The following AGFG2 variants were observed in gnomAD, a reference collection of about 807,000 sequenced individuals.
AGFG2 encodes ArfGAP with FG repeats 2, also known as arf-GAP domain and FG repeat-containing protein 2.
Under a neutral mutation model 48.0 loss-of-function variants are expected in AGFG2, and 31 were observed. The ratio of observed to expected loss-of-function variants is 0.65; its 90% CI spans 0.49 to 0.87. The LOEUF (loss-of-function observed/expected upper bound fraction) is 0.87. Among genes scored for constraint, AGFG2 ranks in the 40% least tolerant of loss-of-function variants. AGFG2 has a pLI of 0.00. For synonymous variants in AGFG2, 229 were observed against 260.8 expected, an observed-to-expected ratio of 0.88 and a Z score of 1.18; for missense variants, 599 against 632.6, an observed-to-expected ratio of 0.95 and a Z score of 0.57.
At chr7:100,540,172 C>T (rs1195220211) in intron 1 of AGFG2, among the ~76,000 whole-genome samples, 1 of 150,734 alleles carries the variant, frequency 6.6e-6, no homozygotes, top group Admixed American at 6.6e-5. Context: ...GAGATAGTGG[C>T]TGGAAGGGAG....
At chr7:100,551,074 T>A (rs1461892087) in intron 3 of AGFG2, among the ~76,000 whole-genome samples, 75 of 97,016 alleles carry the variant, frequency 7.7e-4, no homozygotes, top group South Asian at 2.2e-3. Context: ...ATATTTCTTT[T>A]TTTTTTTTTT....
At chr7:100,544,906 T>G (rs974262428) in intron 1 of AGFG2, among the ~76,000 whole-genome samples, 2 of 152,112 alleles carry the variant, frequency 1.3e-5, no homozygotes, top group Non-Finnish European at 2.9e-5. Flanking sequence ...GGAAATGGGT[T>G]GAAGCAGAAT....
At chr7:100,552,602 TAGAGA>T (rs1562792587) in intron 3 of AGFG2, among the ~76,000 whole-genome samples, 1 of 152,104 alleles carries the variant, frequency 6.6e-6, no homozygotes, top group Non-Finnish European at 1.5e-5. Flanking sequence ...AACTGTGAGG[TAGAGA>T]AGAGAATGCA....
chr7:100,563,705 TG>T, intron 9 of AGFG2, 128 bp from the exon 10 acceptor site: 1 of 1,363,594 alleles, frequency 7.3e-7, no homozygotes, highest in Non-Finnish European at 1.0e-6. Flanking sequence ...GTTCCATGGC[TG>T]GGTCCCTCGT....
chr7:100,562,800 A>G lies in AGFG2; in HGVS notation c.1088-63A>G. 1 of 1,600,782 alleles carries G rather than the reference A, an allele frequency of 6.2e-7. No individual in the cohort carries two copies. Among genetic ancestry groups the G allele is most frequent in the Non-Finnish European group, 8.6e-7 (1 of 1,168,924 alleles). ...GGAATGCTCAGGCATCACAGGATGA[A>G]GCACGTGAGAAAAAAAGTAACCATC... On this transcript the variant is annotated intron_variant, in intron 8 of 11. Transcript: ENST00000300176. This position sits in a 1 kb window ranked among gnomAD's most constrained non-coding sequence, Gnocchi z 5.4.
chr7:100,553,232 A>G, intron 3 of AGFG2, 115 bp from the exon 4 acceptor site: 1 of 1,299,494 alleles, frequency 7.7e-7, no homozygotes, highest in Non-Finnish European at 1.1e-6. Flanking sequence ...AAAAAAGGGA[A>G]TCAGTAGAGA....
intron 4 of AGFG2, 80 bp from the exon 5 acceptor site, chr7:100,554,013 G>T: frequency 6.6e-7 from 1 of 1,523,338 alleles, no homozygotes; most frequent in East Asian, 2.3e-5. Flanking sequence ...CTGCCTATCT[G>T]AGGGCAACCT....
Position 100,555,653 on chromosome 7 carries a change from T to G in AGFG2, c.795T>G (p.Phe265Leu). 1 of 1,614,130 alleles carries G rather than the reference T, an allele frequency of 6.2e-7. No individual in the cohort carries two copies. The highest frequency in any genetic ancestry group is 2.2e-5 in the East Asian group (1 of 44,878). The change falls in exon 6 of 12, where the codon TTT (phenylalanine) becomes TTG (leucine). Residue 265 changes from phenylalanine to leucine, a missense_variant. By Grantham distance (22) the Phe-to-Leu change is conservative. Coordinates refer to ENST00000300176, the MANE Select transcript of AGFG2 (RefSeq NM_006076.5). ...GAGGCTTTGCCAACTTTGATGCCTT[T>G]AGCAGTGGCCCCAGCTCTTCTGTGT... ...SQGGFANFDAFSSGPSSSVFG... is the reference protein window; with the variant it reads ...SQGGFANFDALSSGPSSSVFG...
intron 3 of AGFG2, 86 bp downstream of exon 3, chr7:100,550,597 T>A: frequency 9.5e-7 from 1 of 1,051,236 alleles, no homozygotes; most frequent in Non-Finnish European, 1.4e-6. Flanking sequence ...GAATTTGGCC[T>A]TCTCACAAAA....
intron 1 of AGFG2, among the ~76,000 whole-genome samples, chr7:100,542,769 A>T (rs1800445719): frequency 6.6e-6 from 1 of 152,162 alleles, no homozygotes; most frequent in African/African-American, 2.4e-5. Context: ...GATTACCTGT[A>T]GATTAGGGTT....
intron 2 of AGFG2, among the ~76,000 whole-genome samples, chr7:100,550,045 A>G (rs964572114): frequency 2.6e-5 from 4 of 152,218 alleles, no homozygotes; most frequent in African/African-American, 9.6e-5. Flanking sequence ...GCGGTGGCTC[A>G]TGCCTGTAAT....
chr7:100,554,626 A>G (rs775438358), intron 5 of AGFG2, among the ~76,000 whole-genome samples: 3 of 152,110 alleles, frequency 2.0e-5, no homozygotes, highest in Non-Finnish European at 4.4e-5. Context: ...GCAGCATAGA[A>G]TCTGTTTTCC....
At chr7:100,552,185 C>T (rs1186011250) in intron 3 of AGFG2, among the ~76,000 whole-genome samples, 1 of 151,932 alleles carries the variant, frequency 6.6e-6, no homozygotes, top group South Asian at 2.1e-4. Flanking sequence ...GCAGTGGTTG[C>T]AGTCAGCTGA....
intron 1 of AGFG2, among the ~76,000 whole-genome samples, chr7:100,544,089 C>G (rs990538953): frequency 6.6e-6 from 1 of 152,214 alleles, no homozygotes. Context: ...CTGAATGCGT[C>G]TGTGAATGAA....
At chr7:100,554,724 CAGG>C (rs1562793476) in intron 5 of AGFG2, among the ~76,000 whole-genome samples, 1 of 151,866 alleles carries the variant, frequency 6.6e-6, no homozygotes, top group East Asian at 1.9e-4. Flanking sequence ...CACCTGAGGT[CAGG>C]AGTTCAAGAC....
chr7:100,556,706 AT>A, intron 6 of AGFG2: 1 of 1,187,372 alleles, frequency 8.4e-7, no homozygotes, highest in Non-Finnish European at 1.1e-6. Context: ...AACCCTTAAA[AT>A]TTGGCCATTT....
At chr7:100,556,351 A>G (rs573020533) in intron 6 of AGFG2, 14 of 204,092 alleles carry the variant, frequency 6.9e-5, no homozygotes, top group Non-Finnish European at 1.2e-4. Context: ...CAAATAAACT[A>G]TGTTATTTAG....
In AGFG2 at chr7:100,565,691, C is replaced by T. The variant is rs1800991128; in HGVS notation, c.*700C>T. The T allele has an allele frequency of 1.3e-5, 2 of 152,662 alleles. No homozygotes were observed. The highest frequency in any genetic ancestry group is 4.1e-4 in the South Asian group (2 of 4,828). 9.5% of individuals were successfully genotyped at this position (152,662 alleles called of 1,614,324 possible). On this transcript the variant is annotated 3_prime_UTR_variant, in exon 12 of 12. Coordinates refer to ENST00000300176, the MANE Select transcript of AGFG2 (RefSeq NM_006076.5). ...AAATAGATCTATCTATATGCACATA[C>T]ATACATATATACACACACCCAGCCG...
intron 6 of AGFG2, among the ~76,000 whole-genome samples, chr7:100,560,834 C>T (rs562711582): frequency 5.7e-5 from 6 of 106,002 alleles, no homozygotes; most frequent in East Asian, 2.7e-4. Context: ...TTTTTTGAGA[C>T]GGAGTCTCAC....
Sources: allele counts gnomAD v4.1 joint callset (sites outside exome capture counted in the v4.1 genomes callset), GRCh38; gene constraint gnomAD v4.1.1; non-coding constraint Gnocchi (gnomAD v3.1); transcripts MANE v1.5; gene names NCBI Gene and HGNC (gene_info 2026-07-23, HGNC 2026-07-21).